Variants in GRIA1 observed in about 807,000 individuals in gnomAD.
GRIA1 encodes glutamate ionotropic receptor AMPA type subunit 1.
Under a neutral mutation model 99.2 loss-of-function variants are expected in GRIA1, and 31 were observed. The observed-to-expected ratio is 0.31, with a 90% CI of 0.23 to 0.42. GRIA1 has a LOEUF of 0.42. Ranked by LOEUF, GRIA1 falls within the 10% of genes least tolerant of loss-of-function variation. The pLI is 1.00. For missense variants in GRIA1, 782 were observed against 1,157.5 expected (o/e 0.68, Z 4.71); for synonymous variants, 438 against 432.4 (o/e 1.01, Z -0.16).
intron 2 of GRIA1, among the ~76,000 whole-genome samples, chr5:153,604,261 T>G (rs1765261524): frequency 6.6e-6 from 1 of 152,102 alleles, no homozygotes; most frequent in South Asian, 2.1e-4. Flanking sequence ...TGCCTCAGAA[T>G]GAAACCACAC....
intron 12 of GRIA1, among the ~76,000 whole-genome samples, chr5:153,765,790 A>G (rs939010850): frequency 6.6e-6 from 1 of 152,236 alleles, no homozygotes. Context: ...CCCTACACAA[A>G]TTATCTCATT....
chr5:153,632,381 T>C (rs1753043337), intron 2 of GRIA1, among the ~76,000 whole-genome samples: 1 of 152,162 alleles, frequency 6.6e-6, no homozygotes, highest in Non-Finnish European at 1.5e-5. Context: ...TACAGCTAAT[T>C]TTTGAAAGGC....
At chr5:153,568,001 TC>T (rs925299933) in intron 2 of GRIA1, among the ~76,000 whole-genome samples, 5 of 152,210 alleles carry the variant, frequency 3.3e-5, no homozygotes, top group African/African-American at 9.6e-5. Context: ...TGGGGTTTTG[TC>T]CCACTTTATT....
chr5:153,706,125 T>TTTGTTTGTTTG (rs1561786192), intron 11 of GRIA1, 58 bp downstream of exon 11: 1 of 1,497,334 alleles, frequency 6.7e-7, no homozygotes, highest in African/African-American at 1.4e-5. Context: ...TGTTTGTTTG[T>TTTGTTTGTTTG]TTGTTTGTTT....
chr5:153,579,638 T>C (rs13180804), intron 2 of GRIA1, among the ~76,000 whole-genome samples: 10,500 of 152,286 alleles, frequency 0.069, 494 homozygotes, highest in African/African-American at 0.12. Context: ...TATACAGTCC[T>C]TTGCTACTTT....
chr5:153,614,850 T>C (rs142066020), intron 2 of GRIA1, among the ~76,000 whole-genome samples: 1 of 152,204 alleles, frequency 6.6e-6, no homozygotes, highest in African/African-American at 2.4e-5. Context: ...GATCATGAAG[T>C]GAAGTGGAAA....
chr5:153,560,504 T>C lies in GRIA1; in HGVS notation c.220+66439T>C, dbSNP rs932702285. 1.2e-4 allele frequency among the ~76,000 whole-genome samples: 19 copies of C among 152,062 alleles called. 2 individuals carry two copies. Among genetic ancestry groups the C allele is most frequent in the Admixed American group, 1.0e-3 (16 of 15,268 alleles). On this transcript the variant is annotated intron_variant, in intron 2 of 15. Transcript: ENST00000285900. ...GAGGTAATTAAATCATGGGTGTGTG[T>C]TTTTCCGTGCTGTCCTCGTGACAGT...
At chr5:153,728,253 A>C (rs1011690569) in intron 11 of GRIA1, among the ~76,000 whole-genome samples, 25 of 152,118 alleles carry the variant, frequency 1.6e-4, no homozygotes, top group Non-Finnish European at 3.5e-4. Flanking sequence ...TAAAGACTTA[A>C]ACGTTAGACC....
chr5:153,629,644 T>C (rs189955227), intron 2 of GRIA1, among the ~76,000 whole-genome samples: 2 of 152,358 alleles, frequency 1.3e-5, no homozygotes, highest in Non-Finnish European at 2.9e-5. Context: ...ATTTATGCAT[T>C]TGCACTATGT....
At chr5:153,525,512 A>G (rs957024351) in intron 2 of GRIA1, 1 of 151,866 alleles carries the variant, frequency 6.6e-6, no homozygotes, top group African/African-American at 2.4e-5. Flanking sequence ...AATAAAAAAG[A>G]GTATAAAATT....
rs1231095315 is a variant in GRIA1 at position 153,811,339 on chromosome 5, G to A, written c.*114G>A. 1.1e-5 allele frequency: 8 copies of A among 698,726 alleles called. No homozygotes were observed. The highest frequency in any genetic ancestry group is 3.6e-5 in the African/African-American group (2 of 55,816). The allele number at this position is 698,726 out of a possible 1,614,324, so 43.3% of individuals were successfully genotyped here. A position where few individuals can be genotyped will look rare whatever the true frequency, so the allele number is the denominator to read the frequency against. ...AAACGCAACCACCACCAACCACTGC[G>A]ACCACAAGAAGGATGATTCAACAGG... On this transcript the variant is annotated 3_prime_UTR_variant, in exon 16 of 16. Coordinates refer to ENST00000285900, the MANE Select transcript of GRIA1 (RefSeq NM_000827.4).
At position 153,813,243 on chromosome 5, in the gene GRIA1, A is replaced by G. The variant is rs2149686265; in HGVS notation, c.*2018A>G. 6.6e-6 allele frequency: 1 copy of G among 152,284 alleles called. No homozygotes were observed. The highest frequency in any genetic ancestry group is 1.9e-4 in the East Asian group (1 of 5,180). 9.4% of individuals were successfully genotyped at this position (152,284 alleles called of 1,614,324 possible). A position where few individuals can be genotyped will look rare whatever the true frequency, so the allele number is the denominator to read the frequency against. ...GATGTCTCTCAGCCCCTGCCCTCAT[A>G]CAAGATTTTTCTCAGCCTTCAGCCT... On this transcript the variant is annotated 3_prime_UTR_variant, in exon 16 of 16. Coordinates refer to ENST00000285900, the MANE Select transcript of GRIA1 (RefSeq NM_000827.4).
chr5:153,490,074 CTT>C (rs796734929), upstream of GRIA1, among the ~76,000 whole-genome samples: 2 of 140,688 alleles, frequency 1.4e-5, no homozygotes, highest in Non-Finnish European at 1.6e-5. Context: ...AGAGAGAAAG[CTT>C]TTTTTTTTTT....
intron 2 of GRIA1, among the ~76,000 whole-genome samples, chr5:153,567,678 C>A (rs1021374225): frequency 1.1e-4 from 17 of 152,154 alleles, no homozygotes; most frequent in African/African-American, 3.9e-4. Flanking sequence ...CGAGTGATGA[C>A]CTGAAGACAG....
At chr5:153,680,313 G>A (rs1443116042) in intron 7 of GRIA1, among the ~76,000 whole-genome samples, 1 of 152,000 alleles carries the variant, frequency 6.6e-6, no homozygotes, top group Non-Finnish European at 1.5e-5. Flanking sequence ...CATCTAGGGA[G>A]TCATTCAGAA....
chr5:153,520,868 A>G (rs1313734752), intron 2 of GRIA1, among the ~76,000 whole-genome samples: 1 of 152,222 alleles, frequency 6.6e-6, no homozygotes, highest in East Asian at 1.9e-4. Flanking sequence ...TCACTGGCTT[A>G]TTTCATTTAA....
chr5:153,805,549 G>A (rs561055317), intron 15 of GRIA1, among the ~76,000 whole-genome samples: 27 of 152,236 alleles, frequency 1.8e-4, no homozygotes, highest in East Asian at 9.7e-4. Context: ...GAACTATGAC[G>A]AGACCAGTCA....
intron 7 of GRIA1, among the ~76,000 whole-genome samples, chr5:153,680,353 C>G (rs116427693): frequency 0.051 from 7,682 of 152,080 alleles, 308 homozygotes; most frequent in Non-Finnish European, 0.076. Flanking sequence ...TGGAGGCCCT[C>G]AGCACTCCAG....
Position 153,594,187 on chromosome 5 carries a change from C to T in GRIA1, c.221-52741C>T, listed in dbSNP as rs140449040. 9.0e-3 allele frequency among the ~76,000 whole-genome samples: 1,374 copies of T among 152,232 alleles called. 20 individuals carry two copies. The highest frequency in any genetic ancestry group is 0.039 in the East Asian group (204 of 5,170). ...TCTAAAGTTCTAACTTCAAGACAAT[C>T]GCCTTTTTTAATTCACAGGTCATTC... On this transcript the variant is annotated intron_variant, in intron 2 of 15. Coordinates refer to ENST00000285900, the MANE Select transcript of GRIA1 (RefSeq NM_000827.4).
Sources: allele counts gnomAD v4.1 joint callset (sites outside exome capture counted in the v4.1 genomes callset), GRCh38; gene constraint gnomAD v4.1.1; transcripts MANE v1.5; gene names NCBI Gene and HGNC (gene_info 2026-07-23, HGNC 2026-07-21).